Variants in ATP6V0A1 observed in about 807,000 individuals in gnomAD.
ATP6V0A1 encodes the protein ATPase H+ transporting V0 subunit a1.
ATP6V0A1 carries 43 observed loss-of-function variants against 105.4 expected under a neutral mutation model. That is an observed-to-expected ratio of 0.41 (90% CI 0.32 to 0.53). The LOEUF is 0.53. Among genes scored for constraint, ATP6V0A1 ranks in the 20% least tolerant of loss-of-function variants. The probability of loss-of-function intolerance (pLI) is 0.30; values close to 1 mark genes in which losing one functional copy is unlikely to be tolerated. For synonymous variants in ATP6V0A1, 362 were observed against 372.8 expected (o/e 0.97, Z 0.33); for missense variants, 676 against 1,051.1 (o/e 0.64, Z 4.93).
chr17:42,474,396 T>C (rs2088445057), intron 5 of ATP6V0A1, among the ~76,000 whole-genome samples: 1 of 152,180 alleles, frequency 6.6e-6, no homozygotes, highest in East Asian at 1.9e-4. Context: ...CTTATGCTGC[T>C]TTTGTCATCA....
intron 21 of ATP6V0A1, chr17:42,520,123 C>T (rs1007945198): frequency 2.0e-5 from 5 of 251,204 alleles, no homozygotes; most frequent in Non-Finnish European, 2.4e-5. Context: ...CCAGCCCCCA[C>T]GCCTGCCTGT....
intron 5 of ATP6V0A1, among the ~76,000 whole-genome samples, chr17:42,476,808 T>C (rs1351241456): frequency 6.6e-6 from 1 of 152,190 alleles, no homozygotes; most frequent in African/African-American, 2.4e-5. Context: ...TTATCTGTTG[T>C]TTTTCCTTCA....
At chr17:42,483,226 G>T (rs1217131685) in intron 9 of ATP6V0A1, 95 bp downstream of exon 9, 3 of 949,930 alleles carry the variant, frequency 3.2e-6, no homozygotes, top group Non-Finnish European at 4.3e-6. Context: ...TAAGGTACCT[G>T]TAGCAAACCA....
chr17:42,470,398 C>T, intron 5 of ATP6V0A1, 180 bp downstream of exon 5: 1 of 678,170 alleles, frequency 1.5e-6, no homozygotes. Context: ...ACACAACCAG[C>T]CATGGTTTTG....
chr17:42,511,164 C>A (rs2092327961), intron 19 of ATP6V0A1: 2 of 152,032 alleles, frequency 1.3e-5, no homozygotes, highest in South Asian at 4.2e-4. Context: ...TAGGGGCGAC[C>A]CTTGAAGCCC....
chr17:42,491,640 C>T (rs1426083372), intron 11 of ATP6V0A1, among the ~76,000 whole-genome samples: 2 of 152,108 alleles, frequency 1.3e-5, no homozygotes, highest in Non-Finnish European at 2.9e-5. Context: ...TGTGCCATCA[C>T]GCCCGGCTAA....
At chr17:42,507,408 T>C in intron 17 of ATP6V0A1, 112 bp from the exon 18 acceptor site, 1 of 760,808 alleles carries the variant, frequency 1.3e-6, no homozygotes, top group East Asian at 2.6e-5. Context: ...TTGTTTTTGT[T>C]GTTAGACATA....
At chr17:42,467,933 G>A (rs2087323027) in intron 3 of ATP6V0A1, 77 bp from the exon 4 acceptor site, 1 of 894,822 alleles carries the variant, frequency 1.1e-6, no homozygotes. Context: ...GGTCTTAGAT[G>A]TTAATTCTTT....
intron 13 of ATP6V0A1, among the ~76,000 whole-genome samples, chr17:42,495,422 A>ATTGTGTGT (rs1039572345): frequency 2.7e-5 from 4 of 148,938 alleles, no homozygotes; most frequent in Non-Finnish European, 5.9e-5. Flanking sequence ...TCCCTACTTG[A>ATTGTGTGT]TTGTGTGTTT....
At chr17:42,501,393 C>A in intron 17 of ATP6V0A1, 89 bp downstream of exon 17, 2 of 967,284 alleles carry the variant, frequency 2.1e-6, no homozygotes, top group Non-Finnish European at 3.2e-6. Context: ...TAATTGTGCA[C>A]AAATCTATAT....
chr17:42,494,928 G>C, intron 12 of ATP6V0A1, 106 bp from the exon 13 acceptor site: 1 of 1,211,452 alleles, frequency 8.3e-7, no homozygotes, highest in Non-Finnish European at 1.2e-6. Context: ...GAATCAGGAT[G>C]GGGTAAAGTA....
chr17:42,507,530 A>G lies in ATP6V0A1; in HGVS notation c.2015A>G (p.Asn672Ser), dbSNP rs1404056208. ...YLRRKHLGTL[N>S]FGGIRVGNGP... ...TGTTCATCTGTGTAGGGAACTCTCA[A>G]CTTTGGTGGGATCAGGGTGGGCAAC... is the stretch of plus-strand genomic sequence containing the variant. The change falls in exon 18 of 22, where the codon AAC becomes AGC. Residue 672 changes from asparagine (N) to serine (S), a missense_variant. Asn to Ser is a conservative substitution (Grantham distance 46). Coordinates refer to ENST00000343619, the MANE Select transcript of ATP6V0A1 (RefSeq NM_001130021.3). 1.2e-6 allele frequency: 2 copies of G among 1,611,978 alleles called. No homozygotes were observed. Among genetic ancestry groups the G allele is most frequent in the South Asian group, 2.2e-5 (2 of 91,008 alleles).
At chr17:42,474,112 C>T (rs1017421694) in intron 5 of ATP6V0A1, among the ~76,000 whole-genome samples, 8 of 151,808 alleles carry the variant, frequency 5.3e-5, no homozygotes, top group Non-Finnish European at 1.0e-4. Flanking sequence ...AAGCGATTCT[C>T]CTGCCTCAGC....
At chr17:42,501,751 C>T (rs914659189) in intron 17 of ATP6V0A1, among the ~76,000 whole-genome samples, 3 of 151,586 alleles carry the variant, frequency 2.0e-5, no homozygotes, top group African/African-American at 4.8e-5. Context: ...TGTGGCCGGG[C>T]GCAGTGCCTC....
At chr17:42,482,906 A>G in intron 8 of ATP6V0A1, 132 bp from the exon 9 acceptor site, 1 of 463,902 alleles carries the variant, frequency 2.2e-6, no homozygotes, top group Non-Finnish European at 3.3e-6. Flanking sequence ...AAAAAAAAAA[A>G]AAAAAAAAAA....
At chr17:42,482,895 CAA>C (rs71359573) in intron 8 of ATP6V0A1, 141 bp from the exon 9 acceptor site, 4,687 of 146,900 alleles carry the variant, frequency 0.032, no homozygotes, top group East Asian at 0.06. Context: ...AACTCTGTCT[CAA>C]AAAAAAAAAA....
At chr17:42,515,655 G>C (rs533429576) in intron 21 of ATP6V0A1, among the ~76,000 whole-genome samples, 25 of 151,976 alleles carry the variant, frequency 1.6e-4, no homozygotes, top group Non-Finnish European at 3.1e-4. Flanking sequence ...GGGCATGGTG[G>C]TGCATGCCTG....
Position 42,501,958 on chromosome 17 carries a change from T to C in ATP6V0A1, c.2004+654T>C, listed in dbSNP as rs143171405. ...CTGAGGTGGAAGGATCGCTTGAATC[T>C]GAGAGGCGGAGGTTGCAGTCAGCCA... On this transcript the variant is annotated intron_variant, in intron 17 of 21. Coordinates refer to ENST00000343619, the MANE Select transcript of ATP6V0A1 (RefSeq NM_001130021.3). Among the ~76,000 whole-genome samples the C allele has an allele frequency of 9.3e-3, 1,408 of 152,134 alleles. 26 individuals are homozygous for C. Among genetic ancestry groups the C allele is most frequent in the African/African-American group, 0.032 (1,335 of 41,520 alleles).
chr17:42,513,849 C>T lies in ATP6V0A1; in HGVS notation c.2131-12C>T. On this transcript the variant is annotated splice_polypyrimidine_tract_variant and intron_variant, in intron 19 of 21. Transcript: ENST00000343619. ...AGCCTTATATCTTCTCTCTGGTTTC[C>T]TCCCACGACAGTTTGACTTTGGGGA... 6.2e-7 allele frequency: 1 copy of T among 1,610,504 alleles called. No individual in the cohort carries two copies. Among genetic ancestry groups the T allele is most frequent in the Non-Finnish European group, 8.5e-7 (1 of 1,176,728 alleles).
Sources: allele counts gnomAD v4.1 joint callset (sites outside exome capture counted in the v4.1 genomes callset), GRCh38; gene constraint gnomAD v4.1.1; transcripts MANE v1.5; gene names NCBI Gene and HGNC (gene_info 2026-07-23, HGNC 2026-07-21).